SCN3A: variants seen among roughly 807,000 people sequenced by gnomAD.
SCN3A encodes the protein sodium voltage-gated channel alpha subunit 3, also known as sodium channel protein type 3 subunit alpha.
In SCN3A, 60 loss-of-function variants were observed where a neutral mutation model predicts 187.6. The ratio of observed to expected loss-of-function variants is 0.32; its 90% confidence interval spans 0.26 to 0.40. The LOEUF (loss-of-function observed/expected upper bound fraction) is 0.40. Ranked by LOEUF, SCN3A falls within the 10% of genes least tolerant of loss-of-function variation. The pLI is 1.00. For synonymous variants in SCN3A, 788 were observed against 829.2 expected (o/e 0.95, Z 0.85); for missense variants, 1,601 against 2,428.2 (o/e 0.66, Z 7.16).
At chr2:165,097,036 C>G (rs1021823141) in intron 23 of SCN3A, among the ~76,000 whole-genome samples, 2 of 152,162 alleles carry the variant, frequency 1.3e-5, no homozygotes, top group Non-Finnish European at 2.9e-5. Context: ...TATAAAATCA[C>G]ATTAAAACAT....
At chr2:165,139,733 T>C (rs1330743353) in intron 13 of SCN3A, 125 bp from the exon 14 acceptor site, 9 of 1,158,888 alleles carry the variant, frequency 7.8e-6, no homozygotes, top group African/African-American at 1.5e-5. Flanking sequence ...AGGAATAAAA[T>C]ATTGAATTAT....
intron 26 of SCN3A, 111 bp downstream of exon 26, chr2:165,094,263 T>C: frequency 1.2e-6 from 1 of 835,560 alleles, no homozygotes; most frequent in Non-Finnish European, 2.1e-6. Context: ...ACTTTATAAT[T>C]AGGGCTCAAT....
intron 9 of SCN3A, among the ~76,000 whole-genome samples, chr2:165,161,443 A>C (rs1355625661): frequency 6.6e-6 from 1 of 151,986 alleles, no homozygotes; most frequent in Non-Finnish European, 1.5e-5. Flanking sequence ...TACCCCCTAC[A>C]TTCATAATAA....
At chr2:165,167,570 A>G (rs1280877288) in intron 5 of SCN3A, among the ~76,000 whole-genome samples, 1 of 152,156 alleles carries the variant, frequency 6.6e-6, no homozygotes, top group Non-Finnish European at 1.5e-5. Flanking sequence ...CAGATACCTG[A>G]TTATTGTATT....
chr2:165,098,354 G>A (rs1020585816), intron 22 of SCN3A, among the ~76,000 whole-genome samples: 4 of 152,230 alleles, frequency 2.6e-5, no homozygotes, highest in African/African-American at 9.6e-5. Context: ...TTAAATAAAA[G>A]TATTGTTTTA....
At chr2:165,106,709 A>C (rs1057445163) in intron 21 of SCN3A, among the ~76,000 whole-genome samples, 1 of 152,244 alleles carries the variant, frequency 6.6e-6, no homozygotes, top group Non-Finnish European at 1.5e-5. Context: ...GTTGGTTGTT[A>C]TTAGTATTAC....
In SCN3A at chr2:165,176,352, G is replaced by A. The variant is rs558749829; in HGVS notation, c.43C>T (p.Arg15Cys). The A allele has an allele frequency of 2.9e-5, 47 of 1,613,980 alleles. No homozygotes were observed. Among genetic ancestry groups the A allele is most frequent in the East Asian group, 4.5e-5 (2 of 44,870 alleles). Residue 15 changes from arginine (R) to cysteine (C), a missense_variant, in exon 3 of 28, where the codon CGC becomes TGC. Physicochemically the swap from Arg to Cys is radical, Grantham distance 180. This residue lies in a region of SCN3A where 74 missense variants were observed against 77.7 expected (regional missense o/e 0.95). Transcript: ENST00000283254. ...GCAAGAGATTCTCTAGTAAAAAGGC[G>A]GAAGCTTTCAGGTCCTGGGGGTACC... Reference protein sequence around the residue: ...LLVPPGPESFRLFTRESLAAI... With the variant: ...LLVPPGPESFCLFTRESLAAI...
chr2:165,192,720 T>G (rs1387198007), intron 1 of SCN3A, among the ~76,000 whole-genome samples: 1 of 152,160 alleles, frequency 6.6e-6, no homozygotes, highest in Non-Finnish European at 1.5e-5. Flanking sequence ...TGTCACCTCT[T>G]AAAATCCTAC....
chr2:165,102,306 T>A (rs557891966), intron 21 of SCN3A, among the ~76,000 whole-genome samples: 2 of 152,038 alleles, frequency 1.3e-5, no homozygotes, highest in African/African-American at 2.4e-5. Flanking sequence ...AGGCCATGAG[T>A]TCAAGACCAG....
chr2:165,111,648 G>A (rs1400967281), intron 21 of SCN3A, among the ~76,000 whole-genome samples: 1 of 152,060 alleles, frequency 6.6e-6, no homozygotes, highest in East Asian at 1.9e-4. Flanking sequence ...TTATTATTAA[G>A]AAGCTGTGTT....
At chr2:165,100,532 C>A (rs1464888528) in intron 21 of SCN3A, 108 bp from the exon 22 acceptor site, 2 of 1,152,010 alleles carry the variant, frequency 1.7e-6, no homozygotes, top group Non-Finnish European at 2.5e-6. Flanking sequence ...TTTGGACATA[C>A]CTTGGCAACT....
intron 12 of SCN3A, among the ~76,000 whole-genome samples, chr2:165,144,173 G>A (rs1688189822): frequency 6.6e-6 from 1 of 152,114 alleles, no homozygotes; most frequent in Non-Finnish European, 1.5e-5. Context: ...CACCTTCACT[G>A]ATTCTCTTTC....
intron 2 of SCN3A, among the ~76,000 whole-genome samples, chr2:165,185,941 A>G (rs1691199709): frequency 6.6e-6 from 1 of 152,140 alleles, no homozygotes; most frequent in Non-Finnish European, 1.5e-5. Context: ...TTTACTAAAT[A>G]GACAGGATGA....
At chr2:165,111,484 TACACACACAC>T (rs60417556) in intron 21 of SCN3A, among the ~76,000 whole-genome samples, 8,178 of 142,540 alleles carry the variant, frequency 0.057, 260 homozygotes, top group African/African-American at 0.071. Flanking sequence ...GCCAGTCTGA[TACACACACAC>T]ACACACACAC....
rs1349503186 is a variant in SCN3A, at chr2:165,092,609, C to G, written c.4537-85G>C. On this transcript the variant is annotated intron_variant, in intron 26 of 27. Transcript: ENST00000283254. This position sits in a 1 kb window ranked among gnomAD's most constrained non-coding sequence, Gnocchi z 4.2. The stretch of plus-strand genomic sequence containing the variant: ...TAAAATTGTAGATAAAGCCCTTCCA[C>G]ATACGGGATGGATGTGCACCCTCCT... 7.8e-6 allele frequency: 10 copies of G among 1,280,496 alleles called. No individual in the cohort carries two copies. Among genetic ancestry groups the G allele is most frequent in the Non-Finnish European group, 1.1e-5 (10 of 891,398 alleles). The allele number at this position is 1,280,496 out of a possible 1,614,324, so 79.3% of individuals were successfully genotyped here.
At chr2:165,130,765 T>G (rs1050207330) in intron 16 of SCN3A, among the ~76,000 whole-genome samples, 1 of 152,150 alleles carries the variant, frequency 6.6e-6, no homozygotes, top group East Asian at 1.9e-4. Flanking sequence ...TTTGCTTAAT[T>G]TTCAATAAAT....
At position 165,140,983 on chromosome 2, in the gene SCN3A, G is replaced by A. The variant is rs202004044; in HGVS notation, c.1687C>T (p.Arg563Cys). 1.9e-4 allele frequency: 312 copies of A among 1,613,652 alleles called. 1 individual carries two copies. Among genetic ancestry groups the A allele is most frequent in the Middle Eastern group, 3.3e-4 (2 of 6,080 alleles). The stretch of plus-strand genomic sequence containing the variant: ...CGTCTTGGGGAAAACAGGGAGCCAC[G>A]GATACTCAAGAGAGACTGCAGAGAA... The part of the protein sequence containing the change: ...CSPHQSLLSI[R>C]GSLFSPRRNS... The change falls in exon 13 of 28, where the codon CGT becomes TGT. Residue 563 changes from arginine (R) to cysteine (C), a missense_variant. Coordinates refer to ENST00000283254, the MANE Select transcript of SCN3A (RefSeq NM_006922.4). This position sits in a 1 kb window ranked among gnomAD's most constrained non-coding sequence, Gnocchi z 4.2.
intron 21 of SCN3A, among the ~76,000 whole-genome samples, chr2:165,111,200 G>A (rs1363809663): frequency 6.6e-6 from 1 of 152,030 alleles, no homozygotes; most frequent in Non-Finnish European, 1.5e-5. Flanking sequence ...GCCAGGCATG[G>A]TGCGGGCACC....
intron 18 of SCN3A, among the ~76,000 whole-genome samples, chr2:165,125,375 C>T (rs1364261874): frequency 6.6e-6 from 1 of 151,976 alleles, no homozygotes; most frequent in Non-Finnish European, 1.5e-5. Context: ...GCAATCTCCG[C>T]TCACTGCAAG....
Sources: gnomAD v4.1 joint callset for allele counts (sites outside exome capture counted in the v4.1 genomes callset) on GRCh38, gnomAD v4.1.1 for gene constraint, gnomAD v4.1.1 regional missense constraint, Gnocchi (gnomAD v3.1) non-coding constraint, MANE v1.5 for transcripts, NCBI Gene and HGNC (gene_info 2026-07-23, HGNC 2026-07-21) for gene names.